GPM6A: variants seen among roughly 807,000 people sequenced by gnomAD.
GPM6A encodes glycoprotein M6A, also known as neuronal membrane glycoprotein M6-a.
In GPM6A, 7 loss-of-function variants were observed where a neutral mutation model predicts 32.1. The observed-to-expected ratio is 0.22, with a 90% CI of 0.12 to 0.41. The LOEUF is 0.41. GPM6A is among the 10% of genes least tolerant of loss of function. The pLI is 1.00. For missense variants in GPM6A, 235 were observed against 347.2 expected, an observed-to-expected ratio of 0.68 and a Z score of 2.57; for synonymous variants, 130 against 123.4, an observed-to-expected ratio of 1.05 and a Z score of -0.35.
chr4:175,706,906 A>G (rs1000403179), intron 1 of GPM6A, among the ~76,000 whole-genome samples: 1 of 152,234 alleles, frequency 6.6e-6, no homozygotes, highest in Non-Finnish European at 1.5e-5. Context: ...GGTCATCCTC[A>G]TGGGTCATTA....
At chr4:175,727,242 G>A (rs9312583) in intron 1 of GPM6A, among the ~76,000 whole-genome samples, 85,479 of 151,992 alleles carry the variant, frequency 0.56, 24,300 homozygotes, top group Non-Finnish European at 0.61. Context: ...ATTTACAAAA[G>A]TAGAAGCAGT....
At chr4:175,761,783 C>T (rs950186444) in intron 1 of GPM6A, among the ~76,000 whole-genome samples, 1 of 148,382 alleles carries the variant, frequency 6.7e-6, no homozygotes, top group African/African-American at 2.5e-5. Context: ...AGTTTCTCAC[C>T]AGCCAAATAA....
intron 1 of GPM6A, among the ~76,000 whole-genome samples, chr4:175,881,832 G>A (rs1251523510): frequency 1.3e-5 from 2 of 151,820 alleles, no homozygotes; most frequent in African/African-American, 2.4e-5. Flanking sequence ...CACACACTGG[G>A]GCCTGTTGCA....
At chr4:175,883,192 A>C (rs1210769158) in intron 1 of GPM6A, among the ~76,000 whole-genome samples, 1 of 152,034 alleles carries the variant, frequency 6.6e-6, no homozygotes, top group African/African-American at 2.4e-5. Context: ...AATTAACCCA[A>C]TTTGCTTTGT....
intron 1 of GPM6A, among the ~76,000 whole-genome samples, chr4:175,824,412 G>T (rs1215508814): frequency 6.6e-6 from 1 of 152,156 alleles, no homozygotes; most frequent in Non-Finnish European, 1.5e-5. Flanking sequence ...TGGACAAAAT[G>T]CAAAGCTGTT....
intron 1 of GPM6A, among the ~76,000 whole-genome samples, chr4:175,916,632 A>C (rs1366735432): frequency 6.6e-6 from 1 of 152,202 alleles, no homozygotes; most frequent in Non-Finnish European, 1.5e-5. Flanking sequence ...AAAATAACCC[A>C]GGAGGCTGGC....
chr4:175,882,937 G>T (rs901720419), intron 1 of GPM6A, among the ~76,000 whole-genome samples: 2 of 151,940 alleles, frequency 1.3e-5, no homozygotes, highest in African/African-American at 4.8e-5. Context: ...GATGATAAAG[G>T]CATTCTAAGT....
At chr4:175,728,886 C>T (rs1731290122) in intron 1 of GPM6A, among the ~76,000 whole-genome samples, 2 of 152,262 alleles carry the variant, frequency 1.3e-5, no homozygotes, top group South Asian at 4.1e-4. Flanking sequence ...CATCTAAGAG[C>T]ACCCCTCATC....
chr4:175,791,776 CACAG>C (rs374159359), intron 1 of GPM6A, among the ~76,000 whole-genome samples: 381 of 152,266 alleles, frequency 2.5e-3, no homozygotes, highest in African/African-American at 8.0e-3. Flanking sequence ...CACACGCACA[CACAG>C]ACACACACTT....
chr4:175,946,536 T>G (rs1739612121), intron 1 of GPM6A, among the ~76,000 whole-genome samples: 2 of 152,134 alleles, frequency 1.3e-5, no homozygotes, highest in South Asian at 4.2e-4. Context: ...GTGATGAAGA[T>G]GAACTGTCAA....
chr4:175,736,181 A>G (rs1430113634), intron 1 of GPM6A, among the ~76,000 whole-genome samples: 1 of 151,772 alleles, frequency 6.6e-6, no homozygotes, highest in Non-Finnish European at 1.5e-5. Context: ...CACCATGCCT[A>G]ATTTTTTCTT....
rs370674741 is a variant in GPM6A at position 175,983,528 on chromosome 4, A to G, written c.-23+18781T>C. Among the ~76,000 whole-genome samples the G allele has an allele frequency of 6.0e-4, 92 of 152,244 alleles. 1 individual carries two copies. The South Asian group carries it at 0.013, about 22-fold the overall frequency. ...TTTGTCTAATGCTTTTTCTATGTCT[A>G]TTGTGGTGATTATAAGGTTTTTCTT... On this transcript the variant is annotated intron_variant, in intron 1 of 7. Coordinates refer to the GPM6A transcript ENST00000280187.
chr4:175,743,646 T>C (rs562119145), intron 1 of GPM6A, among the ~76,000 whole-genome samples: 21 of 151,694 alleles, frequency 1.4e-4, no homozygotes, highest in Non-Finnish European at 2.8e-4. Flanking sequence ...AAAAAATGCA[T>C]TAAATATAAG....
chr4:175,968,470 G>A (rs1445708484), intron 1 of GPM6A, among the ~76,000 whole-genome samples: 1 of 152,132 alleles, frequency 6.6e-6, no homozygotes, highest in East Asian at 1.9e-4. Flanking sequence ...AAAAGATGCT[G>A]TAAAGAGAAT....
At chr4:175,881,127 G>T (rs1031766568) in intron 1 of GPM6A, among the ~76,000 whole-genome samples, 2 of 151,984 alleles carry the variant, frequency 1.3e-5, no homozygotes, top group African/African-American at 4.8e-5. Flanking sequence ...AATCTACAAA[G>T]AACTCAAACA....
At chr4:175,943,331 C>T (rs932199857) in intron 1 of GPM6A, among the ~76,000 whole-genome samples, 1 of 152,076 alleles carries the variant, frequency 6.6e-6, no homozygotes, top group East Asian at 1.9e-4. Context: ...TGCAAAGAGA[C>T]AATTTGACTT....
intron 3 of GPM6A, among the ~76,000 whole-genome samples, chr4:175,666,649 A>G (rs1742770328): frequency 6.6e-6 from 1 of 152,214 alleles, no homozygotes; most frequent in Admixed American, 6.5e-5. Flanking sequence ...TATTTTAATA[A>G]TAACTATTAC....
intron 1 of GPM6A, among the ~76,000 whole-genome samples, chr4:175,940,301 A>AT (rs1739365080): frequency 1.5e-5 from 1 of 67,332 alleles, no homozygotes; most frequent in Non-Finnish European, 3.6e-5. Flanking sequence ...CTCACAGAAA[A>AT]CTTACCTATA....
chr4:175,914,014 G>A (rs1427164296), intron 1 of GPM6A, among the ~76,000 whole-genome samples: 1 of 152,172 alleles, frequency 6.6e-6, no homozygotes, highest in Non-Finnish European at 1.5e-5. Context: ...TGCCAAGGTT[G>A]AAGGCCTGCC....
Sources: allele counts gnomAD v4.1 joint callset (sites outside exome capture counted in the v4.1 genomes callset), GRCh38; gene constraint gnomAD v4.1.1; transcripts MANE v1.5; gene names NCBI Gene and HGNC (gene_info 2026-07-23, HGNC 2026-07-21).